The following SPAG16 variants were observed in gnomAD, a reference collection of about 807,000 sequenced individuals.
SPAG16 encodes sperm associated antigen 16, also known as sperm-associated antigen 16 protein.
In SPAG16, 86 loss-of-function variants were observed where a neutral mutation model predicts 80.4. That is an observed-to-expected ratio of 1.07 (90% CI 0.90 to 1.28). The LOEUF (loss-of-function observed/expected upper bound fraction) is 1.28, where lower values mean the gene tolerates loss of function less well. SPAG16 is among the 50% of genes most tolerant of loss of function. The pLI is 0.00. For missense variants in SPAG16, 870 were observed against 765.3 expected (o/e 1.14, Z -1.61); for synonymous variants, 294 against 265.9 (o/e 1.11, Z -1.03).
rs539629885 is a variant in SPAG16, at chr2:214,187,288, A to G, written c.1720+38022A>G. 1.3e-4 allele frequency among the ~76,000 whole-genome samples: 20 copies of G among 152,210 alleles called. No individual in the cohort carries two copies. In the East Asian group the frequency reaches 3.9e-3, roughly 29 times the overall value. ...CTCTTGTTTCAAATACTTCTCAATT[A>G]TTCTTTCACTTTTGTCTAGGTGCTT... On this transcript the variant is annotated intron_variant, in intron 15 of 15. Coordinates refer to ENST00000331683, the MANE Select transcript of SPAG16 (RefSeq NM_024532.5).
At chr2:213,705,115 G>C (rs527544337) in intron 10 of SPAG16, among the ~76,000 whole-genome samples, 1 of 152,224 alleles carries the variant, frequency 6.6e-6, no homozygotes, top group South Asian at 2.1e-4. Flanking sequence ...CAAAAATTAG[G>C]GGGGTGCCTA....
At chr2:214,305,556 A>G (rs886712957) in intron 15 of SPAG16, among the ~76,000 whole-genome samples, 1 of 152,124 alleles carries the variant, frequency 6.6e-6, no homozygotes, top group Non-Finnish European at 1.5e-5. Flanking sequence ...TGTATATACT[A>G]TAAGGAAGGG....
At chr2:213,736,830 A>G (rs2067304924) in intron 10 of SPAG16, among the ~76,000 whole-genome samples, 1 of 151,078 alleles carries the variant, frequency 6.6e-6, no homozygotes, top group Non-Finnish European at 1.5e-5. Flanking sequence ...TCAGCCTTCC[A>G]AGTAGCTGGG....
chr2:214,026,276 T>A (rs2048127311), intron 13 of SPAG16, among the ~76,000 whole-genome samples: 1 of 151,330 alleles, frequency 6.6e-6, no homozygotes, highest in East Asian at 1.9e-4. Context: ...ACAGAAACCA[T>A]GTGTATATTT....
At chr2:213,621,708 G>A (rs1270647027) in intron 10 of SPAG16, among the ~76,000 whole-genome samples, 1 of 152,198 alleles carries the variant, frequency 6.6e-6, no homozygotes, top group Non-Finnish European at 1.5e-5. Flanking sequence ...TACTGCATTT[G>A]TATCCATTAG....
chr2:214,017,345 T>TTTG (rs2047641840), intron 13 of SPAG16, among the ~76,000 whole-genome samples: 1 of 152,084 alleles, frequency 6.6e-6, no homozygotes, highest in Non-Finnish European at 1.5e-5. Context: ...AACTAAAAAC[T>TTTG]TAGATGTGAA....
intron 10 of SPAG16, among the ~76,000 whole-genome samples, chr2:213,529,477 C>T (rs1240436279): frequency 6.6e-6 from 1 of 152,204 alleles, no homozygotes; most frequent in Non-Finnish European, 1.5e-5. Context: ...CACACTACTG[C>T]ATTAACACAC....
At chr2:214,108,622 G>GA (rs1010319130) in intron 14 of SPAG16, among the ~76,000 whole-genome samples, 70 of 152,106 alleles carry the variant, frequency 4.6e-4, no homozygotes, top group African/African-American at 1.7e-3. Flanking sequence ...AAATTTTAAT[G>GA]AAAAATCATT....
intron 13 of SPAG16, among the ~76,000 whole-genome samples, chr2:214,070,816 C>CAT (rs1576063341): frequency 1.3e-5 from 2 of 151,860 alleles, no homozygotes; most frequent in Non-Finnish European, 2.9e-5. Flanking sequence ...CAGATTTCTG[C>CAT]ATATATATAG....
intron 10 of SPAG16, among the ~76,000 whole-genome samples, chr2:213,705,237 G>A (rs1407018594): frequency 1.3e-5 from 2 of 151,666 alleles, no homozygotes; most frequent in African/African-American, 2.4e-5. Context: ...AACAGAGCAA[G>A]ACTCTGTCTC....
At chr2:213,765,044 A>T (rs1180641803) in intron 10 of SPAG16, among the ~76,000 whole-genome samples, 1 of 152,212 alleles carries the variant, frequency 6.6e-6, no homozygotes, top group African/African-American at 2.4e-5. Context: ...TGGAAAATAA[A>T]CAACAAGGTC....
At chr2:214,185,830 A>G (rs2057450297) in intron 15 of SPAG16, among the ~76,000 whole-genome samples, 1 of 152,116 alleles carries the variant, frequency 6.6e-6, no homozygotes, top group Non-Finnish European at 1.5e-5. Flanking sequence ...CAGCCCCACA[A>G]TACACACCCA....
At chr2:213,404,137 G>A (rs2068480249) in intron 9 of SPAG16, among the ~76,000 whole-genome samples, 1 of 152,222 alleles carries the variant, frequency 6.6e-6, no homozygotes, top group East Asian at 1.9e-4. Flanking sequence ...ACTGCCCAAG[G>A]TAATTTATAG....
intron 5 of SPAG16, among the ~76,000 whole-genome samples, chr2:213,333,605 C>A (rs934289178): frequency 3.9e-5 from 6 of 152,130 alleles, no homozygotes; most frequent in African/African-American, 1.4e-4. Flanking sequence ...TCAAATTATA[C>A]TACAGAAATA....
intron 15 of SPAG16, among the ~76,000 whole-genome samples, chr2:214,199,824 T>A (rs1030551236): frequency 6.6e-6 from 1 of 152,152 alleles, no homozygotes; most frequent in African/African-American, 2.4e-5. Flanking sequence ...ACCTCCTTGG[T>A]TAAGTATATT....
chr2:213,540,223 TG>T (rs967965412), intron 10 of SPAG16, among the ~76,000 whole-genome samples: 4 of 149,756 alleles, frequency 2.7e-5, no homozygotes, highest in Admixed American at 2.0e-4. Context: ...TTATTTTTTT[TG>T]TATTTTTAGT....
At chr2:213,376,742 T>C (rs774626986) in intron 9 of SPAG16, among the ~76,000 whole-genome samples, 1 of 152,180 alleles carries the variant, frequency 6.6e-6, no homozygotes, top group Non-Finnish European at 1.5e-5. Context: ...TTCTATAGTC[T>C]TAATTCTATT....
intron 14 of SPAG16, among the ~76,000 whole-genome samples, chr2:214,139,764 G>A (rs1162199311): frequency 6.6e-6 from 1 of 152,124 alleles, no homozygotes; most frequent in East Asian, 1.9e-4. Context: ...GTTAAATAGG[G>A]CTTTTTTGAG....
At position 213,639,697 on chromosome 2, in the gene SPAG16, G is replaced by A. The variant is rs1164124172; in HGVS notation, c.1070+149607G>A. ...ATTCTTTCCTTTGTCTTGACTTTAA[G>A]TAACCTGATAAGTATGTGCCTAAGC... On this transcript the variant is annotated intron_variant, in intron 10 of 15. Transcript: ENST00000331683. Among the ~76,000 whole-genome samples, 5 of 152,212 alleles carry A rather than the reference G, an allele frequency of 3.3e-5. No homozygotes were observed. In the South Asian group the frequency reaches 1.0e-3, roughly 32 times the overall value.
Sources: gnomAD v4.1 joint callset for allele counts (sites outside exome capture counted in the v4.1 genomes callset) on GRCh38, gnomAD v4.1.1 for gene constraint, MANE v1.5 for transcripts, NCBI Gene and HGNC (gene_info 2026-07-23, HGNC 2026-07-21) for gene names.